Variants in PCGF5 observed in about 807,000 individuals in gnomAD.
PCGF5 encodes the protein polycomb group RING finger protein 5.
In PCGF5, 9 loss-of-function variants were observed where a neutral mutation model predicts 44.3. The observed-to-expected ratio is 0.20, with a 90% CI of 0.12 to 0.35. The LOEUF (loss-of-function observed/expected upper bound fraction) is 0.35. Ranked by LOEUF, PCGF5 falls within the 10% of genes least tolerant of loss-of-function variation. The pLI is 1.00. For synonymous variants in PCGF5, 95 were observed against 102.5 expected (o/e 0.93, Z 0.44); for missense variants, 146 against 305.3 (o/e 0.48, Z 3.89).
At chr10:91,225,727 T>A (rs1844814058) in intron 2 of PCGF5, among the ~76,000 whole-genome samples, 1 of 152,054 alleles carries the variant, frequency 6.6e-6, no homozygotes, top group South Asian at 2.1e-4. Context: ...AATATATATT[T>A]ATACAAATAA....
intron 1 of PCGF5, among the ~76,000 whole-genome samples, chr10:91,170,369 T>C (rs935937029): frequency 6.6e-6 from 1 of 152,192 alleles, no homozygotes; most frequent in African/African-American, 2.4e-5. Flanking sequence ...GCAAAAGATA[T>C]ATCAAATAAT....
At chr10:91,212,813 G>A (rs1238195694) in intron 1 of PCGF5, among the ~76,000 whole-genome samples, 3 of 152,262 alleles carry the variant, frequency 2.0e-5, no homozygotes, top group South Asian at 4.1e-4. Context: ...CTGGAAGTAA[G>A]TTTAATTCAT....
chr10:91,190,019 A>G (rs532704873), intron 1 of PCGF5, among the ~76,000 whole-genome samples: 25 of 152,340 alleles, frequency 1.6e-4, no homozygotes, highest in African/African-American at 6.0e-4. Flanking sequence ...TTGTGCTGCT[A>G]CAACAAAGCA....
At position 91,280,033 on chromosome 10, in the gene PCGF5, T is replaced by C. The variant is rs539912446; in HGVS notation, c.*1717T>C. ...GTTCCAACTTTGGTGAAAAAGGTTA[T>C]GGCAATACTTTAACTTTGTTTTGTT... On this transcript the variant is annotated 3_prime_UTR_variant, in exon 10 of 10. Transcript: ENST00000336126. 6.6e-6 allele frequency: 1 copy of C among 152,182 alleles called. No individual in the cohort carries two copies. Among genetic ancestry groups the C allele is most frequent in the South Asian group, 2.1e-4 (1 of 4,828 alleles). 9.4% of individuals were successfully genotyped at this position (152,182 alleles called of 1,614,324 possible). A position where few individuals can be genotyped will look rare whatever the true frequency, so the allele number is the denominator to read the frequency against.
intron 1 of PCGF5, among the ~76,000 whole-genome samples, chr10:91,168,772 CA>C (rs1214067406): frequency 3.7e-4 from 56 of 151,572 alleles, no homozygotes; most frequent in African/African-American, 1.3e-3. Flanking sequence ...ACTAAAAATA[CA>C]AAAAACTAGC....
intron 6 of PCGF5, among the ~76,000 whole-genome samples, chr10:91,253,096 T>TA (rs1156926902): frequency 2.0e-5 from 3 of 152,010 alleles, no homozygotes; most frequent in Non-Finnish European, 4.4e-5. Flanking sequence ...TTCTACTTGA[T>TA]ATATGTAAGT....
At chr10:91,197,314 C>T (rs552081057) in intron 1 of PCGF5, among the ~76,000 whole-genome samples, 1 of 152,216 alleles carries the variant, frequency 6.6e-6, no homozygotes, top group East Asian at 1.9e-4. Flanking sequence ...CTGGGCTCCT[C>T]GGGCACGTCC....
chr10:91,204,309 C>T (rs1321453298), intron 1 of PCGF5, among the ~76,000 whole-genome samples: 1 of 147,708 alleles, frequency 6.8e-6, no homozygotes, highest in Admixed American at 6.9e-5. Context: ...TTAATTAAAC[C>T]TTAATCTGAA....
intron 1 of PCGF5, among the ~76,000 whole-genome samples, chr10:91,203,440 G>A (rs1321204673): frequency 6.6e-6 from 1 of 152,136 alleles, no homozygotes; most frequent in African/African-American, 2.4e-5. Flanking sequence ...GTCTGATAAA[G>A]AAGATAACCC....
intron 2 of PCGF5, among the ~76,000 whole-genome samples, chr10:91,231,293 TAAAC>T (rs1844995613): frequency 6.6e-6 from 1 of 152,216 alleles, no homozygotes; most frequent in Middle Eastern, 3.4e-3. Flanking sequence ...TAGTAGGCAA[TAAAC>T]AAATGATAGT....
Position 91,209,506 on chromosome 10 carries a change from C to G in PCGF5, c.-183-13183C>G. On this transcript the variant is annotated intron_variant, in intron 1 of 9. Transcript: ENST00000614189. Reference sequence around the variant, plus strand: ...GCGCGGTGGCTCACGCCTGTAATCCCAGCACTTTGGGAGGCCGAGGCGGGT... The same window carrying G: ...GCGCGGTGGCTCACGCCTGTAATCCGAGCACTTTGGGAGGCCGAGGCGGGT... 1.0e-4 allele frequency among the ~76,000 whole-genome samples: 2 copies of G among 20,032 alleles called. 1 individual carries two copies. The allele number at this position is 20,032 out of a possible 152,430, so 13.1% of individuals were successfully genotyped here.
chr10:91,175,678 GA>G (rs1843693289), intron 1 of PCGF5, among the ~76,000 whole-genome samples: 1 of 152,186 alleles, frequency 6.6e-6, no homozygotes, highest in Non-Finnish European at 1.5e-5. Flanking sequence ...AAAAATCACA[GA>G]AAGCAGAAAT....
At chr10:91,277,190 T>A (rs1213365570) in intron 9 of PCGF5, among the ~76,000 whole-genome samples, 1 of 152,158 alleles carries the variant, frequency 6.6e-6, no homozygotes, top group Admixed American at 6.5e-5. Flanking sequence ...ATTCCAACAT[T>A]GAGTCTTCCC....
chr10:91,165,854 C>A (rs12253468), intron 1 of PCGF5, among the ~76,000 whole-genome samples: 2,567 of 152,106 alleles, frequency 0.017, 83 homozygotes, highest in African/African-American at 0.059. Flanking sequence ...TATTATAAAT[C>A]AACTTTGGAG....
At chr10:91,189,646 C>T (rs781286161) in intron 1 of PCGF5, among the ~76,000 whole-genome samples, 2 of 151,992 alleles carry the variant, frequency 1.3e-5, no homozygotes, top group Non-Finnish European at 2.9e-5. Context: ...TTAAAAAGAC[C>T]AAAGAATATA....
At chr10:91,169,631 A>G (rs1843568396) in intron 1 of PCGF5, among the ~76,000 whole-genome samples, 2 of 152,266 alleles carry the variant, frequency 1.3e-5, no homozygotes, top group Non-Finnish European at 2.9e-5. Context: ...AAGAAATCAA[A>G]GAAGAATTAA....
the PCGF5 span, among the ~76,000 whole-genome samples, chr10:91,157,769 G>A: frequency 6.6e-6 from 1 of 152,218 alleles, no homozygotes; most frequent in Admixed American, 6.5e-5. Context: ...CATGATAAGA[G>A]GATGGAGCAT....
chr10:91,182,103 T>C (rs1843829015), intron 1 of PCGF5, among the ~76,000 whole-genome samples: 1 of 152,162 alleles, frequency 6.6e-6, no homozygotes, highest in African/African-American at 2.4e-5. Context: ...TATTCGCTGA[T>C]GGTTGTTTGT....
chr10:91,202,295 C>T (rs1286884803), intron 1 of PCGF5, among the ~76,000 whole-genome samples: 2 of 152,236 alleles, frequency 1.3e-5, no homozygotes, highest in East Asian at 3.9e-4. Flanking sequence ...AGCAAAATAA[C>T]CTGGATTTGA....
Sources: gnomAD v4.1 joint callset for allele counts (sites outside exome capture counted in the v4.1 genomes callset) on GRCh38, gnomAD v4.1.1 for gene constraint, MANE v1.5 for transcripts, NCBI Gene and HGNC (gene_info 2026-07-23, HGNC 2026-07-21) for gene names.